The following CEP164 variants were observed in gnomAD, a reference collection of about 807,000 sequenced individuals.
The protein encoded by CEP164 is centrosomal protein of 164 kDa.
A neutral mutation model predicts 182.7 loss-of-function variants in CEP164; 162 were observed. The observed-to-expected ratio is 0.89, with a 90% confidence interval of 0.78 to 1.01. CEP164 has a LOEUF of 1.01. Among genes scored for constraint, CEP164 ranks in the 50% least tolerant of loss-of-function variants. The pLI is 0.00. For missense variants in CEP164, 1,735 were observed against 1,790.4 expected (o/e 0.97, Z 0.56); for synonymous variants, 661 against 690.0 (o/e 0.96, Z 0.66).
chr11:117,378,904 C>G (rs2043023603), intron 11 of CEP164, among the ~76,000 whole-genome samples: 1 of 152,166 alleles, frequency 6.6e-6, no homozygotes. Flanking sequence ...TGGCTGATAG[C>G]CCCGGAGTCC....
intron 8 of CEP164, among the ~76,000 whole-genome samples, chr11:117,370,763 TAGTC>T (rs1305493266): frequency 4.0e-5 from 6 of 151,796 alleles, no homozygotes; most frequent in African/African-American, 1.2e-4. Context: ...ATACAAAAAA[TAGTC>T]AGCTGTGGTG....
chr11:117,388,962 G>T (rs2136280371), intron 15 of CEP164, among the ~76,000 whole-genome samples: 1 of 151,876 alleles, frequency 6.6e-6, no homozygotes, highest in Non-Finnish European at 1.5e-5. Flanking sequence ...AGTAGAGACG[G>T]GGTTTCACTG....
chr11:117,330,925 A>C (rs1407065514), intron 1 of CEP164, among the ~76,000 whole-genome samples: 1 of 152,254 alleles, frequency 6.6e-6, no homozygotes, highest in Non-Finnish European at 1.5e-5. Context: ...CCAGCTAGTA[A>C]GAGGCAGAGC....
intron 2 of CEP164, chr11:117,336,411 C>T (rs765018532): frequency 3.4e-5 from 47 of 1,393,720 alleles, no homozygotes; most frequent in Middle Eastern, 2.5e-4. Context: ...GGTGGGGACC[C>T]GAGGATTGGC....
rs2045360500 is a variant in CEP164 at position 117,395,830 on chromosome 11, T to C, written c.3089+108T>C. ...TAATAGGGAGAGGTGGAGTCCCAGC[T>C]TGGGAGCTAGGCAGAAGAGCCTGTG... On this transcript the variant is annotated intron_variant, in intron 24 of 32. Coordinates refer to ENST00000278935, the MANE Select transcript of CEP164 (RefSeq NM_014956.5). The C allele has an allele frequency of 9.5e-6, 13 of 1,368,898 alleles. No individual in the cohort carries two copies. The South Asian group carries it at 1.8e-4, about 19-fold the overall frequency. The allele number at this position is 1,368,898 out of a possible 1,614,324, so 84.8% of individuals were successfully genotyped here.
At chr11:117,406,537 G>A (rs1384442675) in intron 27 of CEP164, among the ~76,000 whole-genome samples, 3 of 152,338 alleles carry the variant, frequency 2.0e-5, no homozygotes, top group South Asian at 2.1e-4. Context: ...TGAAGAGTAC[G>A]ACTAATGTTT....
At position 117,411,743 on chromosome 11, in the gene CEP164, T is replaced by C; in HGVS notation, c.4164-52T>C. ...TGTGATGGCCTCTGTGCATCCTCTG[T>C]CACTTCCGCGCCTCCTCTCTCCCCT... On this transcript the variant is annotated intron_variant, in intron 31 of 32. Coordinates refer to ENST00000278935, the MANE Select transcript of CEP164 (RefSeq NM_014956.5). The surrounding 1 kb of genome is among the most constrained non-coding windows in gnomAD (Gnocchi z 4.4). The C allele has an allele frequency of 6.2e-7, 1 of 1,608,836 alleles. No homozygotes were observed. The highest frequency in any genetic ancestry group is 8.5e-7 in the Non-Finnish European group (1 of 1,177,366).
rs1403534579 is a variant in CEP164 at position 117,409,190 on chromosome 11, T to C, written c.3748+162T>C. 4 of 959,688 alleles carry C rather than the reference T, an allele frequency of 4.2e-6. No homozygotes were observed. The highest frequency in any genetic ancestry group is 6.1e-6 in the Non-Finnish European group (4 of 656,054). 59.4% of individuals were successfully genotyped at this position (959,688 alleles called of 1,614,324 possible). A position where few individuals can be genotyped will look rare whatever the true frequency, so the allele number is the denominator to read the frequency against. ...TCAGTGCTGGGAAGGAATCACACCA[T>C]CTAGGTTTGCCAGCACGTGGGGCTG... On this transcript the variant is annotated intron_variant, in intron 29 of 32. Coordinates refer to ENST00000278935, the MANE Select transcript of CEP164 (RefSeq NM_014956.5). The surrounding 1 kb of genome is among the most constrained non-coding windows in gnomAD (Gnocchi z 4.4).
At chr11:117,410,948 T>C in intron 31 of CEP164, 54 bp downstream of exon 31, 1 of 1,523,102 alleles carries the variant, frequency 6.6e-7, no homozygotes, top group Non-Finnish European at 9.0e-7. Flanking sequence ...AGCTGCTCAC[T>C]GTGCCTCCCT....
chr11:117,356,352 G>T lies in CEP164; in HGVS notation c.393+4364G>T, dbSNP rs571762567. On this transcript the variant is annotated intron_variant, in intron 5 of 32. Coordinates refer to ENST00000278935, the MANE Select transcript of CEP164 (RefSeq NM_014956.5). ...TGCAGACACAGCGCCAGCACAGTCT[G>T]TTGCATGGCAGCTGAGTCTTCTAGG... 293 of 1,169,268 alleles carry T rather than the reference G, an allele frequency of 2.5e-4. 4 individuals are homozygous for T. The South Asian group carries it at 4.6e-3, about 18-fold the overall frequency. The allele number at this position is 1,169,268 out of a possible 1,614,324, so 72.4% of individuals were successfully genotyped here.
chr11:117,409,207 G>T lies in CEP164; in HGVS notation c.3748+179G>T, dbSNP rs2047043606. 1.2e-6 allele frequency: 1 copy of T among 823,018 alleles called. No individual in the cohort carries two copies. Among genetic ancestry groups the T allele is most frequent in the Non-Finnish European group, 1.9e-6 (1 of 534,286 alleles). The allele number at this position is 823,018 out of a possible 1,614,324, so 51.0% of individuals were successfully genotyped here. A position where few individuals can be genotyped will look rare whatever the true frequency, so the allele number is the denominator to read the frequency against. ...TCACACCATCTAGGTTTGCCAGCAC[G>T]TGGGGCTGAAAGGTCAGGGAAGCCC... On this transcript the variant is annotated intron_variant, in intron 29 of 32. Coordinates refer to ENST00000278935, the MANE Select transcript of CEP164 (RefSeq NM_014956.5). This position sits in a 1 kb window ranked among gnomAD's most constrained non-coding sequence, Gnocchi z 4.4.
Position 117,361,985 on chromosome 11 carries a change from C to A in CEP164, c.544C>A (p.Leu182Ile). ...SVESGRQLGE[L>I]MLPSQGLKTS... ...GGAGTCTGGACGTCAGCTTGGAGAA[C>A]TCATGCTGGTAAGTACGTTCTCTTG... The change falls in exon 6 of 33, where the codon CTC becomes ATC. Residue 182 changes from leucine (L) to isoleucine (I), a missense_variant. Leu to Ile is a conservative substitution (Grantham distance 5). Coordinates refer to ENST00000278935, the MANE Select transcript of CEP164 (RefSeq NM_014956.5). The A allele has an allele frequency of 6.4e-7, 1 of 1,572,572 alleles. No individual in the cohort carries two copies. Among genetic ancestry groups the A allele is most frequent in the Non-Finnish European group, 8.6e-7 (1 of 1,164,770 alleles).
intron 12 of CEP164, among the ~76,000 whole-genome samples, 199 bp from the exon 13 acceptor site, chr11:117,381,502 G>A (rs892665654): frequency 3.3e-5 from 5 of 152,110 alleles, no homozygotes; most frequent in African/African-American, 1.2e-4. Context: ...GTAAAAGGAG[G>A]GCTCAGGAGG....
chr11:117,403,585 C>T (rs1284386294), intron 27 of CEP164, among the ~76,000 whole-genome samples: 3 of 152,164 alleles, frequency 2.0e-5, no homozygotes. Flanking sequence ...CTGCCCTTAA[C>T]ATTTTTTCCT....
In CEP164 at chr11:117,397,049, C is replaced by T. The variant is rs755544139; in HGVS notation, c.3279-42C>T. On this transcript the variant is annotated intron_variant, in intron 26 of 32. Transcript: ENST00000278935. ...GGGCTGTGTGACCCAGAGCAGAGTT[C>T]TTAGAGGCTTCTGTTTTCCTTCTTC... 4.5e-6 allele frequency: 7 copies of T among 1,569,886 alleles called. No individual in the cohort carries two copies. The African/African-American group carries it at 8.1e-5, about 18-fold the overall frequency.
At chr11:117,395,917 C>A (rs2045373680) in intron 24 of CEP164, 137 bp from the exon 25 acceptor site, 2 of 1,284,616 alleles carry the variant, frequency 1.6e-6, no homozygotes, top group Non-Finnish European at 1.1e-6. Flanking sequence ...ATCTCTGGTG[C>A]TATTGTTCGT....
chr11:117,396,657 G>A (rs780513200), intron 26 of CEP164, 46 bp downstream of exon 26: 2 of 1,450,438 alleles, frequency 1.4e-6, no homozygotes, highest in Non-Finnish European at 1.9e-6. Flanking sequence ...GTACCATGAA[G>A]GGGTAAGTGA....
chr11:117,364,761 G>A (rs1485616480), intron 8 of CEP164, among the ~76,000 whole-genome samples: 1 of 152,112 alleles, frequency 6.6e-6, no homozygotes, highest in African/African-American at 2.4e-5. Flanking sequence ...GGCTCCCGAA[G>A]TGCTGGGATT....
At chr11:117,363,579 C>A in intron 8 of CEP164, 73 bp downstream of exon 8, 1 of 1,105,978 alleles carries the variant, frequency 9.0e-7, no homozygotes, top group Non-Finnish European at 1.4e-6. Context: ...AGCCCTGCTA[C>A]TTTGTTGTAA....
Sources: gnomAD v4.1 joint callset for allele counts (sites outside exome capture counted in the v4.1 genomes callset) on GRCh38, gnomAD v4.1.1 for gene constraint, Gnocchi (gnomAD v3.1) non-coding constraint, MANE v1.5 for transcripts, NCBI Gene and HGNC (gene_info 2026-07-23, HGNC 2026-07-21) for gene names.